EGFLAM: variants seen among roughly 807,000 people sequenced by gnomAD.
EGFLAM encodes EGF like, fibronectin type III and laminin G domains, also known as pikachurin.
In EGFLAM, 79 loss-of-function variants were observed where a neutral mutation model predicts 113.1. The observed-to-expected ratio is 0.70, with a 90% CI of 0.58 to 0.84. EGFLAM has a LOEUF of 0.84. Among genes scored for constraint, EGFLAM ranks in the 40% least tolerant of loss-of-function variants. The pLI, the probability that EGFLAM is intolerant of heterozygous loss-of-function variation, is 0.00. For synonymous variants in EGFLAM, 504 were observed against 487.6 expected (o/e 1.03, Z -0.44); for missense variants, 1,265 against 1,291.6 (o/e 0.98, Z 0.32).
At chr5:38,322,082 T>C (rs1278970308) in intron 1 of EGFLAM, among the ~76,000 whole-genome samples, 3 of 152,188 alleles carry the variant, frequency 2.0e-5, no homozygotes, top group Non-Finnish European at 4.4e-5. Context: ...AGCCCTGGTC[T>C]GCCCCAGGCC....
At chr5:38,445,844 A>G in intron 17 of EGFLAM, 2 of 908,046 alleles carry the variant, frequency 2.2e-6, no homozygotes, top group Admixed American at 1.7e-5. Context: ...CCGGCCAGCC[A>G]GAGGACACTT....
rs772756421 is a variant in EGFLAM at position 38,427,252 on chromosome 5, G to A, written c.2054G>A (p.Arg685Lys). 6.2e-7 allele frequency: 1 copy of A among 1,612,764 alleles called. No homozygotes were observed. The highest frequency in any genetic ancestry group is 8.5e-7 in the Non-Finnish European group (1 of 1,179,394). ...TGTGGCTCTGGGACCGGTGTCCTCA[G>A]GTGAGGGCTGAAAACTTCTGGGACT... ...FDCGSGTGVL[R>K]SEDPLTLGNW... Residue 685 changes from arginine to lysine, a missense_variant and splice_region_variant, in exon 14 of 22, where the codon AGG (arginine) becomes AAG (lysine). Arg to Lys is a conservative substitution (Grantham distance 26). Transcript: ENST00000322350.
At chr5:38,322,839 A>G (rs1051571606) in intron 1 of EGFLAM, among the ~76,000 whole-genome samples, 1 of 152,158 alleles carries the variant, frequency 6.6e-6, no homozygotes, top group Non-Finnish European at 1.5e-5. Flanking sequence ...GGATCTGGAA[A>G]ACTCTTCCTG....
chr5:38,435,771 C>T (rs1742323518), intron 16 of EGFLAM, among the ~76,000 whole-genome samples: 1 of 137,802 alleles, frequency 7.3e-6, no homozygotes, highest in Non-Finnish European at 1.6e-5. Flanking sequence ...AGGAAAAAAA[C>T]ATTCAGTGAA....
At chr5:38,323,730 TTA>T (rs1738799247) in intron 1 of EGFLAM, among the ~76,000 whole-genome samples, 1 of 149,810 alleles carries the variant, frequency 6.7e-6, no homozygotes, top group African/African-American at 2.4e-5. Flanking sequence ...ATTATAACCA[TTA>T]TAAAAAAAAA....
At chr5:38,308,051 G>A (rs1485297002) in intron 1 of EGFLAM, among the ~76,000 whole-genome samples, 1 of 152,220 alleles carries the variant, frequency 6.6e-6, no homozygotes, top group Non-Finnish European at 1.5e-5. Flanking sequence ...GGAAAGAATA[G>A]TTTCCCAGAA....
intron 16 of EGFLAM, among the ~76,000 whole-genome samples, chr5:38,435,905 C>G (rs1334191879): frequency 6.6e-6 from 1 of 150,598 alleles, no homozygotes; most frequent in African/African-American, 2.5e-5. Context: ...GCAACCTCCA[C>G]CTCCTGGGTT....
intron 16 of EGFLAM, among the ~76,000 whole-genome samples, chr5:38,437,798 C>A (rs1201214851): frequency 6.6e-6 from 1 of 152,154 alleles, no homozygotes; most frequent in Non-Finnish European, 1.5e-5. Flanking sequence ...CTTGGGATCA[C>A]TTCAGCTCCT....
chr5:38,435,289 C>T (rs770992277), intron 16 of EGFLAM, 36 bp downstream of exon 16: 9 of 1,457,246 alleles, frequency 6.2e-6, no homozygotes, highest in Non-Finnish European at 8.7e-6. Context: ...ACTGGGCCAC[C>T]CAGACTGTAG....
At chr5:38,300,857 A>T (rs1758559015) in intron 1 of EGFLAM, among the ~76,000 whole-genome samples, 1 of 152,178 alleles carries the variant, frequency 6.6e-6, no homozygotes, top group African/African-American at 2.4e-5. Flanking sequence ...TTGAAGATAA[A>T]ACTAACAGAA....
intron 10 of EGFLAM, among the ~76,000 whole-genome samples, chr5:38,411,359 C>G (rs564296978): frequency 1.3e-5 from 2 of 151,624 alleles, no homozygotes; most frequent in Admixed American, 6.6e-5. Context: ...ACCTGGGAGG[C>G]GGAGGTTGCA....
chr5:38,292,870 T>A (rs1243654929), intron 1 of EGFLAM, among the ~76,000 whole-genome samples: 1 of 152,126 alleles, frequency 6.6e-6, no homozygotes, highest in East Asian at 1.9e-4. Flanking sequence ...TAAGTCAGAG[T>A]TTCTATGGGG....
intron 1 of EGFLAM, among the ~76,000 whole-genome samples, chr5:38,312,212 GC>G (rs1368937198): frequency 6.6e-6 from 1 of 151,680 alleles, no homozygotes; most frequent in Admixed American, 6.6e-5. Flanking sequence ...GTGTGGTTTT[GC>G]AAAAGTTACT....
intron 11 of EGFLAM, among the ~76,000 whole-genome samples, chr5:38,412,861 C>A (rs1279994730): frequency 6.6e-6 from 1 of 152,120 alleles, no homozygotes; most frequent in East Asian, 1.9e-4. Flanking sequence ...GGGCACACAT[C>A]CACCGCACAT....
chr5:38,304,680 G>A (rs145861450), intron 1 of EGFLAM, among the ~76,000 whole-genome samples: 1,567 of 152,256 alleles, frequency 0.01, 16 homozygotes, highest in Non-Finnish European at 0.015. Context: ...TTTTATTCAT[G>A]AACACTTAAA....
At chr5:38,445,574 G>GA in intron 17 of EGFLAM, 1 of 1,595,852 alleles carries the variant, frequency 6.3e-7, no homozygotes, top group Non-Finnish European at 8.5e-7. Flanking sequence ...CTTTGTGAGA[G>GA]AAACAAGGCT....
chr5:38,385,814 T>C (rs2112074488), intron 6 of EGFLAM, among the ~76,000 whole-genome samples: 1 of 152,354 alleles, frequency 6.6e-6, no homozygotes, highest in East Asian at 1.9e-4. Context: ...AATGCGTTGC[T>C]TAACAACAGG....
intron 1 of EGFLAM, among the ~76,000 whole-genome samples, chr5:38,315,733 C>T (rs573715403): frequency 6.6e-6 from 1 of 152,258 alleles, no homozygotes; most frequent in African/African-American, 2.4e-5. Context: ...GTTTCCTCAT[C>T]TGTACAATGG....
intron 12 of EGFLAM, among the ~76,000 whole-genome samples, chr5:38,422,319 A>G (rs1741853874): frequency 6.6e-6 from 1 of 152,066 alleles, no homozygotes; most frequent in South Asian, 2.1e-4. Flanking sequence ...TCTCCTCCCC[A>G]TCACTCTTGA....
Sources: gnomAD v4.1 joint callset for allele counts (sites outside exome capture counted in the v4.1 genomes callset) on GRCh38, gnomAD v4.1.1 for gene constraint, MANE v1.5 for transcripts, NCBI Gene and HGNC (gene_info 2026-07-23, HGNC 2026-07-21) for gene names.